ATG16L1: variants seen among roughly 807,000 people sequenced by gnomAD.
The protein encoded by ATG16L1 is autophagy related 16 like 1, also known as autophagy-related protein 16-1.
In ATG16L1, 37 loss-of-function variants were observed where a neutral mutation model predicts 88.5. The observed-to-expected ratio is 0.42, with a 90% CI of 0.32 to 0.55. ATG16L1 has a LOEUF of 0.55. ATG16L1 is among the 20% of genes least tolerant of loss of function. The pLI, the probability that ATG16L1 is intolerant of heterozygous loss-of-function variation, is 0.13. For synonymous variants in ATG16L1, 301 were observed against 281.0 expected (o/e 1.07, Z -0.71); for missense variants, 554 against 752.8 (o/e 0.74, Z 3.09).
chr2:233,282,155 G>A (rs556623839), intron 11 of ATG16L1, among the ~76,000 whole-genome samples: 1 of 152,312 alleles, frequency 6.6e-6, no homozygotes, highest in Non-Finnish European at 1.5e-5. Flanking sequence ...AAGTTGTGGT[G>A]GAACTGTGAC....
chr2:233,294,631 T>G lies in ATG16L1; in HGVS notation c.*281T>G. 3.8e-6 allele frequency: 1 copy of G among 261,688 alleles called. No individual in the cohort carries two copies. 16.2% of individuals were successfully genotyped at this position (261,688 alleles called of 1,614,324 possible). On this transcript the variant is annotated 3_prime_UTR_variant, in exon 18 of 18. Transcript: ENST00000392017. ...AAACACTACTAGCTCTGACCTTCCA[T>G]ACCTCACTTGGGGGAGCACAGGGCC...
chr2:233,274,534 G>A (rs1427877056), intron 8 of ATG16L1, 142 bp from the exon 9 acceptor site: 2 of 595,434 alleles, frequency 3.4e-6, no homozygotes. Context: ...GAATTGTTCT[G>A]TAGTTTGAAG....
intron 2 of ATG16L1, among the ~76,000 whole-genome samples, chr2:233,258,034 T>C (rs1438208925): frequency 6.6e-6 from 1 of 151,156 alleles, no homozygotes; most frequent in Non-Finnish European, 1.5e-5. Flanking sequence ...TATATCTATA[T>C]ATCTATATAT....
Position 233,251,768 on chromosome 2 carries a change from G to T in ATG16L1, c.-60G>T. 1 of 1,461,682 alleles carries T rather than the reference G, an allele frequency of 6.8e-7. No homozygotes were observed. Among genetic ancestry groups the T allele is most frequent in the Non-Finnish European group, 9.3e-7 (1 of 1,070,250 alleles). The allele number at this position is 1,461,682 out of a possible 1,614,324, so 90.5% of individuals were successfully genotyped here. On this transcript the variant is annotated 5_prime_UTR_variant, in exon 1 of 18. Coordinates refer to ENST00000392017, the MANE Select transcript of ATG16L1 (RefSeq NM_030803.7). ...TTCTGCTGGTTGCTTCATGCTGCAG[G>T]CTGCGGCCGTCAGCCCTCGCTCGCA...
At chr2:233,272,749 A>T (rs1225902751) in intron 6 of ATG16L1, among the ~76,000 whole-genome samples, 3 of 152,228 alleles carry the variant, frequency 2.0e-5, no homozygotes, top group Non-Finnish European at 4.4e-5. Flanking sequence ...ATTTATTCTC[A>T]GTTGAAATTC....
chr2:233,253,406 C>T (rs79341163), intron 1 of ATG16L1, among the ~76,000 whole-genome samples: 11 of 125,752 alleles, frequency 8.7e-5, no homozygotes, highest in Non-Finnish European at 1.6e-4. Context: ...GTGCAAGTGG[C>T]GTGATCTCAG....
intron 1 of ATG16L1, 76 bp from the exon 2 acceptor site, chr2:233,256,026 A>T: frequency 8.4e-7 from 1 of 1,196,916 alleles, no homozygotes. Context: ...CCTTCAATAC[A>T]TGACAAGGTA....
At chr2:233,266,194 C>CT (rs1245503522) in intron 5 of ATG16L1, 3 of 126,626 alleles carry the variant, frequency 2.4e-5, no homozygotes, top group African/African-American at 8.6e-5. Flanking sequence ...AATCCCAGCA[C>CT]TTTGGGAGGC....
chr2:233,286,817 A>C (rs1336324012), intron 12 of ATG16L1, among the ~76,000 whole-genome samples: 1 of 151,350 alleles, frequency 6.6e-6, no homozygotes, highest in Admixed American at 6.6e-5. Flanking sequence ...AGTAGAGACG[A>C]GATTTCACCG....
At position 233,265,033 on chromosome 2, in the gene ATG16L1, G is replaced by A. The variant is rs757825808; in HGVS notation, c.531G>A (p.Glu177=). ...TGCAGATCACTTTTACTGCCTTGGAGGGAAAACTGAGGAAAACTACGGAAG... is the reference window on the plus strand; with the variant it reads ...TGCAGATCACTTTTACTGCCTTGGAAGGAAAACTGAGGAAAACTACGGAAG... The part of the protein sequence containing the change: ...DALQITFTAL[E]GKLRKTTEEN... The change falls in exon 5 of 18, where the codon GAG becomes GAA. Residue 177 remains glutamate, a synonymous_variant. Coordinates refer to ENST00000392017, the MANE Select transcript of ATG16L1 (RefSeq NM_030803.7). 1.9e-6 allele frequency: 3 copies of A among 1,614,182 alleles called. No homozygotes were observed. Among genetic ancestry groups the A allele is most frequent in the Non-Finnish European group, 2.5e-6 (3 of 1,180,048 alleles).
intron 13 of ATG16L1, 61 bp from the exon 14 acceptor site, chr2:233,290,187 C>T: frequency 6.4e-7 from 1 of 1,555,826 alleles, no homozygotes; most frequent in Non-Finnish European, 8.9e-7. Context: ...AGGGTGGCAG[C>T]ATTATGTAAA....
At chr2:233,292,562 A>T in intron 16 of ATG16L1, 128 bp downstream of exon 16, 1 of 1,153,314 alleles carries the variant, frequency 8.7e-7, no homozygotes, top group Middle Eastern at 2.8e-4. Flanking sequence ...GTGTGCCTGT[A>T]AGTTCATAAT....
intron 14 of ATG16L1, among the ~76,000 whole-genome samples, chr2:233,290,840 AG>A (rs754575933): frequency 1.3e-5 from 2 of 152,184 alleles, no homozygotes; most frequent in Non-Finnish European, 2.9e-5. Flanking sequence ...GAAGCCAGTG[AG>A]GGGGCTATGA....
intron 11 of ATG16L1, among the ~76,000 whole-genome samples, chr2:233,282,084 G>A (rs1389976482): frequency 1.3e-5 from 2 of 152,208 alleles, no homozygotes; most frequent in African/African-American, 4.8e-5. Context: ...GTATTGAAAG[G>A]TTTAGACTTT....
chr2:233,275,587 G>GGAC lies in ATG16L1; in HGVS notation c.954+810_954+812dup, dbSNP rs200408377. 940 of 415,324 alleles carry GGAC rather than the reference G, an allele frequency of 2.3e-3. 5 individuals carry two copies. Among genetic ancestry groups the GGAC allele is most frequent in the African/African-American group, 0.018 (862 of 48,784 alleles). 25.7% of individuals were successfully genotyped at this position (415,324 alleles called of 1,614,324 possible). On this transcript the variant is annotated intron_variant, in intron 9 of 17. Transcript: ENST00000392017. ...GGAGGGACTTAGCTAGTTACACAGT[G>GGAC]GACTGGCTGAGTGATGAACTGCCTT...
intron 10 of ATG16L1, among the ~76,000 whole-genome samples, chr2:233,279,964 A>G (rs573108160): frequency 6.6e-6 from 1 of 152,368 alleles, no homozygotes; most frequent in African/African-American, 2.4e-5. Flanking sequence ...TTATCTGTGA[A>G]GATTTCATCT....
intron 14 of ATG16L1, among the ~76,000 whole-genome samples, 197 bp from the exon 15 acceptor site, chr2:233,291,931 G>A (rs1699491923): frequency 6.6e-6 from 1 of 152,198 alleles, no homozygotes; most frequent in Non-Finnish European, 1.5e-5. Context: ...GTTCTAGTCT[G>A]GGAATGACTG....
intron 2 of ATG16L1, among the ~76,000 whole-genome samples, chr2:233,259,292 A>G (rs532854957): frequency 6.6e-6 from 1 of 152,310 alleles, no homozygotes; most frequent in African/African-American, 2.4e-5. Flanking sequence ...CTCATAGGAC[A>G]CATGCAGAAA....
At chr2:233,287,178 C>T (rs550605304) in intron 12 of ATG16L1, among the ~76,000 whole-genome samples, 106 of 152,282 alleles carry the variant, frequency 7.0e-4, no homozygotes, top group African/African-American at 2.6e-3. Flanking sequence ...AGGATGTTTC[C>T]TGTTCACAGA....
Sources: gnomAD v4.1 joint callset for allele counts (sites outside exome capture counted in the v4.1 genomes callset) on GRCh38, gnomAD v4.1.1 for gene constraint, MANE v1.5 for transcripts, NCBI Gene and HGNC (gene_info 2026-07-23, HGNC 2026-07-21) for gene names.